The following CNTN5 variants were observed in gnomAD, a reference collection of about 807,000 sequenced individuals.
CNTN5 encodes the protein contactin 5, also known as contactin-5.
In CNTN5, 77 loss-of-function variants were observed where a neutral mutation model predicts 129.1. That is an observed-to-expected ratio of 0.60 (90% CI 0.50 to 0.72). The LOEUF is 0.72. Among genes scored for constraint, CNTN5 ranks in the 30% least tolerant of loss-of-function variants. The pLI, the probability that CNTN5 is intolerant of heterozygous loss-of-function variation, is 0.00. For synonymous variants in CNTN5, 509 were observed against 465.6 expected, an observed-to-expected ratio of 1.09 and a Z score of -1.20; for missense variants, 1,478 against 1,328.8, an observed-to-expected ratio of 1.11 and a Z score of -1.75.
chr11:99,525,956 A>C (rs1947467727), intron 2 of CNTN5, among the ~76,000 whole-genome samples: 1 of 152,196 alleles, frequency 6.6e-6, no homozygotes, highest in African/African-American at 2.4e-5. Flanking sequence ...TTTTAGTTAC[A>C]TCAAAGCAGT....
chr11:99,192,918 CAT>C (rs1336853020), intron 1 of CNTN5, among the ~76,000 whole-genome samples: 1 of 152,024 alleles, frequency 6.6e-6, no homozygotes, highest in African/African-American at 2.4e-5. Context: ...TGACCATCTC[CAT>C]ATGTTGCTGG....
At chr11:99,629,341 G>A (rs1309045971) in intron 3 of CNTN5, among the ~76,000 whole-genome samples, 1 of 151,858 alleles carries the variant, frequency 6.6e-6, no homozygotes, top group East Asian at 1.9e-4. Flanking sequence ...TCTCTATTTG[G>A]ACTAGAGTCC....
intron 2 of CNTN5, among the ~76,000 whole-genome samples, chr11:99,380,035 G>T (rs976043938): frequency 6.6e-6 from 1 of 151,448 alleles, no homozygotes; most frequent in Non-Finnish European, 1.5e-5. Flanking sequence ...CAATGTTTTG[G>T]TCAACAACAA....
chr11:99,745,673 T>C (rs1176370675), intron 3 of CNTN5, among the ~76,000 whole-genome samples: 1 of 152,208 alleles, frequency 6.6e-6, no homozygotes, highest in Non-Finnish European at 1.5e-5. Context: ...ATTTCAAATA[T>C]TTGCTTTTCT....
intron 15 of CNTN5, among the ~76,000 whole-genome samples, chr11:100,197,951 T>G (rs978203245): frequency 1.3e-5 from 2 of 151,888 alleles, no homozygotes; most frequent in African/African-American, 4.8e-5. Context: ...TAGCAATACA[T>G]GTAGGAAGGC....
chr11:99,938,943 T>C (rs975216594), intron 7 of CNTN5, among the ~76,000 whole-genome samples: 5 of 152,102 alleles, frequency 3.3e-5, no homozygotes, highest in South Asian at 2.1e-4. Flanking sequence ...TTAGTATTTG[T>C]ATGATTTGAC....
At chr11:99,969,638 C>G (rs564198325) in intron 8 of CNTN5, among the ~76,000 whole-genome samples, 2 of 152,252 alleles carry the variant, frequency 1.3e-5, no homozygotes, top group South Asian at 4.1e-4. Flanking sequence ...CTTCATTATT[C>G]TGACCGCTCT....
intron 3 of CNTN5, among the ~76,000 whole-genome samples, chr11:99,785,176 A>G (rs1945473463): frequency 6.6e-6 from 1 of 152,046 alleles, no homozygotes; most frequent in Admixed American, 6.6e-5. Flanking sequence ...GCTTTGTTTC[A>G]TATGTTTATT....
chr11:99,466,898 T>C (rs1408950854), intron 2 of CNTN5, among the ~76,000 whole-genome samples: 1 of 152,130 alleles, frequency 6.6e-6, no homozygotes, highest in Non-Finnish European at 1.5e-5. Context: ...CACATTCTAT[T>C]GGCCGGAAGT....
Position 99,504,161 on chromosome 11 carries a change from G to C in CNTN5, c.-70-51984G>C, listed in dbSNP as rs1192340089. Among the ~76,000 whole-genome samples the C allele has an allele frequency of 3.9e-5, 6 of 152,230 alleles. No homozygotes were observed. The East Asian group carries it at 1.2e-3, about 29-fold the overall frequency. On this transcript the variant is annotated intron_variant, in intron 2 of 24. Coordinates refer to ENST00000524871, the MANE Select transcript of CNTN5 (RefSeq NM_014361.4). ...CAACAAACTGACTTTTTTTAGAAAA[G>C]GTAGAGTTTTGATGTAAACTAATAT...
intron 16 of CNTN5, among the ~76,000 whole-genome samples, chr11:100,239,577 TATAATA>T (rs1225855029): frequency 6.6e-6 from 1 of 152,152 alleles, no homozygotes; most frequent in East Asian, 1.9e-4. Flanking sequence ...ATGCAAAAAT[TATAATA>T]AAGAGTAGAA....
chr11:100,020,998 A>G (rs1411757885), intron 9 of CNTN5, among the ~76,000 whole-genome samples: 1 of 152,136 alleles, frequency 6.6e-6, no homozygotes, highest in Non-Finnish European at 1.5e-5. Context: ...GTACTGCCCA[A>G]AGCAATTTAC....
intron 3 of CNTN5, among the ~76,000 whole-genome samples, chr11:99,610,388 CCAGGACTAGACATAA>C (rs1287721017): frequency 2.0e-5 from 3 of 151,928 alleles, no homozygotes; most frequent in African/African-American, 7.3e-5. Flanking sequence ...ATATTTAGGA[CCAGGACTAGACATAA>C]CATGATGAGA....
chr11:100,040,317 C>A (rs770591), intron 9 of CNTN5, among the ~76,000 whole-genome samples: 1 of 151,998 alleles, frequency 6.6e-6, no homozygotes. Context: ...GCTGCCTGAT[C>A]GTTCCTCTGG....
chr11:99,750,182 T>C (rs1460414223), intron 3 of CNTN5, among the ~76,000 whole-genome samples: 1 of 152,198 alleles, frequency 6.6e-6, no homozygotes, highest in Non-Finnish European at 1.5e-5. Flanking sequence ...CTCCATATTA[T>C]GTGTAAATCT....
intron 18 of CNTN5, among the ~76,000 whole-genome samples, chr11:100,291,619 G>A (rs1342157225): frequency 1.3e-5 from 2 of 151,862 alleles, no homozygotes; most frequent in African/African-American, 2.4e-5. Flanking sequence ...GGGGAAGGGG[G>A]AGGGATAGCA....
intron 1 of CNTN5, among the ~76,000 whole-genome samples, chr11:99,248,786 A>G (rs1231731543): frequency 6.6e-6 from 1 of 151,922 alleles, no homozygotes; most frequent in Non-Finnish European, 1.5e-5. Flanking sequence ...GATATGCGGC[A>G]TTATTTCTGA....
chr11:99,939,273 A>C (rs1950381747), intron 7 of CNTN5, among the ~76,000 whole-genome samples: 1 of 152,062 alleles, frequency 6.6e-6, no homozygotes, highest in Admixed American at 6.6e-5. Flanking sequence ...GTTTACTATA[A>C]ATTTGCGTTT....
chr11:99,043,955 C>A (rs969636962), intron 1 of CNTN5, among the ~76,000 whole-genome samples: 5 of 152,020 alleles, frequency 3.3e-5, no homozygotes, highest in Non-Finnish European at 5.9e-5. Flanking sequence ...TGTTAATATG[C>A]CTAAATGTAG....
Sources: gnomAD v4.1 joint callset for allele counts (sites outside exome capture counted in the v4.1 genomes callset) on GRCh38, gnomAD v4.1.1 for gene constraint, MANE v1.5 for transcripts, NCBI Gene and HGNC (gene_info 2026-07-23, HGNC 2026-07-21) for gene names.